Variants in UNC79 observed in about 807,000 individuals in gnomAD.
UNC79 encodes protein unc-79 homolog.
UNC79 carries 37 observed loss-of-function variants against 283.1 expected under a neutral mutation model. The ratio of observed to expected loss-of-function variants is 0.13; its 90% CI spans 0.10 to 0.17. UNC79 has a LOEUF of 0.17. UNC79 is among the 10% of genes least tolerant of loss of function. UNC79 has a pLI of 1.00. For synonymous variants in UNC79, 1,107 were observed against 1,200.2 expected (o/e 0.92, Z 1.61); for missense variants, 2,272 against 3,211.1 (o/e 0.71, Z 7.07).
chr14:93,431,095 G>T, intron 1 of UNC79, 44 bp downstream of exon 1: 1 of 683,048 alleles, frequency 1.5e-6, no homozygotes, highest in South Asian at 1.5e-5. Context: ...CCTCGGCTGG[G>T]AGCTATTGCA....
chr14:93,352,239 C>G lies in UNC79; in HGVS notation c.-351+18716C>G, dbSNP rs373116218. Among the ~76,000 whole-genome samples, 61 of 152,300 alleles carry G rather than the reference C, an allele frequency of 4.0e-4. No homozygotes were observed. In the East Asian group the frequency reaches 5.4e-3, roughly 13 times the overall value. On this transcript the variant is annotated intron_variant, in intron 1 of 49. Transcript: ENST00000256339. ...GGACACAGGCTCAATCTTCTGATTTCTTGTATTCAGTGAGACCTTACTTTT... is the reference window on the plus strand; with the variant it reads ...GGACACAGGCTCAATCTTCTGATTTGTTGTATTCAGTGAGACCTTACTTTT...
At chr14:93,351,442 G>A (rs1343865341) in intron 1 of UNC79, among the ~76,000 whole-genome samples, 1 of 152,104 alleles carries the variant, frequency 6.6e-6, no homozygotes, top group Non-Finnish European at 1.5e-5. Flanking sequence ...GTTATTGTTT[G>A]AGGATATACA....
In UNC79 at chr14:93,580,380, A is replaced by C. The variant is rs1392696532; in HGVS notation, c.2661+4A>C. On this transcript the variant is annotated splice_donor_region_variant and intron_variant, in intron 19 of 48. Transcript: ENST00000555664. ...TAAAGAAGAAAGCCGGCTGGTGGTA[A>C]GCAGTTGAAGAAACGAGATGACCCA... The C allele has an allele frequency of 6.2e-7, 1 of 1,612,318 alleles. No homozygotes were observed. Among genetic ancestry groups the C allele is most frequent in the African/African-American group, 1.3e-5 (1 of 74,750 alleles).
intron 5 of UNC79, among the ~76,000 whole-genome samples, chr14:93,489,091 G>A (rs2058598939): frequency 2.0e-5 from 3 of 152,118 alleles, no homozygotes; most frequent in Non-Finnish European, 4.4e-5. Context: ...ACAGGCATGT[G>A]TTACCACATC....
chr14:93,582,436 A>G, intron 20 of UNC79, 92 bp downstream of exon 20: 1 of 1,531,304 alleles, frequency 6.5e-7, no homozygotes, highest in Non-Finnish European at 8.8e-7. Flanking sequence ...GACTTGGGCA[A>G]ATTCAGACGT....
intron 26 of UNC79, 134 bp from the exon 27 acceptor site, chr14:93,604,762 C>A: frequency 1.1e-6 from 1 of 928,088 alleles, no homozygotes; most frequent in East Asian, 2.9e-5. Flanking sequence ...ACATAAACAA[C>A]TTTTATGTGA....
chr14:93,396,049 C>T (rs1051270712), intron 1 of UNC79, among the ~76,000 whole-genome samples: 3 of 152,010 alleles, frequency 2.0e-5, no homozygotes, highest in Admixed American at 6.6e-5. Context: ...TCTCATATGT[C>T]TGAGGCGCTG....
At chr14:93,689,152 T>C (rs2074481750) in intron 44 of UNC79, 2 of 358,048 alleles carry the variant, frequency 5.6e-6, no homozygotes, top group South Asian at 1.8e-4. Context: ...TTAATAGGTA[T>C]GTATCAATAT....
At chr14:93,344,682 G>A (rs893412380) in intron 1 of UNC79, among the ~76,000 whole-genome samples, 1 of 152,240 alleles carries the variant, frequency 6.6e-6, no homozygotes, top group Non-Finnish European at 1.5e-5. Flanking sequence ...ACAGAGCAAT[G>A]TTGCACTAAA....
intron 1 of UNC79, chr14:93,334,940 TA>T (rs1020654523): frequency 1.3e-5 from 2 of 152,248 alleles, no homozygotes; most frequent in African/African-American, 4.8e-5. Context: ...ATGGAAATGT[TA>T]AATAAGATCA....
At chr14:93,644,135 G>T (rs2069341113) in intron 34 of UNC79, among the ~76,000 whole-genome samples, 1 of 152,168 alleles carries the variant, frequency 6.6e-6, no homozygotes, top group African/African-American at 2.4e-5. Flanking sequence ...GCATTGTTGT[G>T]TGAGGAGACA....
intron 39 of UNC79, among the ~76,000 whole-genome samples, chr14:93,660,832 C>T (rs540051032): frequency 1.1e-3 from 166 of 151,880 alleles, no homozygotes; most frequent in Middle Eastern, 6.8e-3. Flanking sequence ...TCAAGTGATC[C>T]ACCAGCCTCA....
At chr14:93,608,067 T>C (rs1337833924) in intron 26 of UNC79, among the ~76,000 whole-genome samples, 4 of 152,216 alleles carry the variant, frequency 2.6e-5, no homozygotes, top group Non-Finnish European at 5.9e-5. Flanking sequence ...GCTATGTGGC[T>C]CAGGCTGGTC....
intron 1 of UNC79, among the ~76,000 whole-genome samples, chr14:93,416,426 G>T (rs1268739770): frequency 1.3e-5 from 2 of 151,302 alleles, no homozygotes; most frequent in African/African-American, 2.4e-5. Context: ...TTGCTGAGGA[G>T]TGCTTTACTT....
chr14:93,421,677 A>G (rs1304551963), intron 1 of UNC79, among the ~76,000 whole-genome samples: 1 of 151,578 alleles, frequency 6.6e-6, no homozygotes, highest in Non-Finnish European at 1.5e-5. Context: ...GGCCAATATC[A>G]CTGATGAATA....
At chr14:93,686,488 T>A (rs1489603812) in intron 42 of UNC79, 84 bp from the exon 46 acceptor site, 13 of 1,448,932 alleles carry the variant, frequency 9.0e-6, no homozygotes, top group Non-Finnish European at 1.2e-5. Context: ...GACTCCTTAG[T>A]AAACAACGTG....
intron 5 of UNC79, among the ~76,000 whole-genome samples, chr14:93,490,499 G>A (rs1278666437): frequency 6.6e-6 from 1 of 152,080 alleles, no homozygotes; most frequent in Admixed American, 6.5e-5. Flanking sequence ...AATTTTCTTA[G>A]CCAAGTATCC....
At chr14:93,541,594 T>C (rs1462632551) in intron 13 of UNC79, among the ~76,000 whole-genome samples, 1 of 152,240 alleles carries the variant, frequency 6.6e-6, no homozygotes, top group Non-Finnish European at 1.5e-5. Flanking sequence ...CAATGGCTAC[T>C]GCTGTGAACT....
intron 1 of UNC79, among the ~76,000 whole-genome samples, chr14:93,374,524 GTTCT>G (rs1034198055): frequency 4.6e-5 from 7 of 151,988 alleles, no homozygotes; most frequent in African/African-American, 9.7e-5. Flanking sequence ...CCATTGTAGC[GTTCT>G]TTCTTTCTTT....
Sources: allele counts gnomAD v4.1 joint callset (sites outside exome capture counted in the v4.1 genomes callset), GRCh38; gene constraint gnomAD v4.1.1; transcripts MANE v1.5; gene names NCBI Gene and HGNC (gene_info 2026-07-23, HGNC 2026-07-21).